Variants in NFATC1 observed in about 807,000 individuals in gnomAD.
NFATC1 encodes the protein nuclear factor of activated T-cells, cytoplasmic 1.
A neutral mutation model predicts 76.0 loss-of-function variants in NFATC1; 22 were observed. The ratio of observed to expected loss-of-function variants is 0.29; its 90% CI spans 0.21 to 0.41. The LOEUF (loss-of-function observed/expected upper bound fraction) is 0.41. Ranked by LOEUF, NFATC1 falls within the 10% of genes least tolerant of loss-of-function variation. NFATC1 has a pLI of 1.00. For synonymous variants in NFATC1, 704 were observed against 613.1 expected (o/e 1.15, Z -2.19); for missense variants, 1,357 against 1,337.7 (o/e 1.01, Z -0.23).
chr18:79,439,353 A>G (rs1600715770), intron 3 of NFATC1, among the ~76,000 whole-genome samples: 3 of 152,328 alleles, frequency 2.0e-5, no homozygotes, highest in African/African-American at 7.2e-5. Flanking sequence ...GCCCCGCCCC[A>G]GGAGCCACGC....
intron 9 of NFATC1, among the ~76,000 whole-genome samples, chr18:79,501,083 ATAT>A (rs1462723664): frequency 1.3e-5 from 2 of 152,144 alleles, no homozygotes; most frequent in Non-Finnish European, 2.9e-5. Flanking sequence ...CCACAACAAA[ATAT>A]TATCAAACTG....
At position 79,410,086 on chromosome 18, in the gene NFATC1, G is replaced by C. The variant is rs1469091918; in HGVS notation, c.128-317G>C. 1.5e-6 allele frequency: 1 copy of C among 686,914 alleles called. No individual in the cohort carries two copies. The highest frequency in any genetic ancestry group is 1.8e-5 in the Admixed American group (1 of 56,342). 42.6% of individuals were successfully genotyped at this position (686,914 alleles called of 1,614,324 possible). On this transcript the variant is annotated intron_variant, in intron 1 of 9. Coordinates refer to ENST00000427363, the MANE Select transcript of NFATC1 (RefSeq NM_001278669.2). The surrounding 1 kb of genome is among the most constrained non-coding windows in gnomAD (Gnocchi z 6.7). ...GGGGTGGTTGGGGAAGGTGGTTTTTGAATGAAGAGCGGAACCCGTGAGGAC... is the reference window on the plus strand; with the variant it reads ...GGGGTGGTTGGGGAAGGTGGTTTTTCAATGAAGAGCGGAACCCGTGAGGAC...
At chr18:79,471,250 G>A (rs973190653) in intron 8 of NFATC1, among the ~76,000 whole-genome samples, 8 of 152,186 alleles carry the variant, frequency 5.3e-5, no homozygotes, top group African/African-American at 9.7e-5. Context: ...TTAAAGGAGA[G>A]AGGCGAACCT....
In NFATC1 at chr18:79,486,410, C is replaced by A. The variant is rs147651267; in HGVS notation, c.2255C>A (p.Pro752Gln). ...SCLVAGFPPC[P>Q]QRSTLMPAAP... ...CTCGTGGCCGGCTTCCCGCCCTGTC[C>A]GCAGAGAAGCACCCTGATGCCAGCG... The change falls in exon 9 of 10, where the codon CCG becomes CAG. Residue 752 changes from proline (P) to glutamine (Q), a missense_variant. Pro to Gln is a moderately conservative substitution (Grantham distance 76, BLOSUM62 -1). Coordinates refer to ENST00000427363, the MANE Select transcript of NFATC1 (RefSeq NM_001278669.2). The A allele has an allele frequency of 7.4e-6, 12 of 1,612,558 alleles. No homozygotes were observed. Among genetic ancestry groups the A allele is most frequent in the Non-Finnish European group, 1.0e-5 (12 of 1,179,954 alleles).
chr18:79,403,544 C>G (rs1194872441), intron 1 of NFATC1, among the ~76,000 whole-genome samples: 3 of 152,330 alleles, frequency 2.0e-5, no homozygotes, highest in Middle Eastern at 3.4e-3. Flanking sequence ...CTCCTGTTTT[C>G]TAAGTTATTT....
At chr18:79,512,886 G>A (rs980201798) in intron 9 of NFATC1, among the ~76,000 whole-genome samples, 4 of 152,222 alleles carry the variant, frequency 2.6e-5, no homozygotes, top group Admixed American at 2.0e-4. Context: ...TAGCCTTCCC[G>A]TGTGAATGTG....
chr18:79,448,821 C>T lies in NFATC1; in HGVS notation c.1426C>T (p.Leu476Phe). ...GGAGAATGAGCCGCTGATGCTGCAGCTTTTCATTGGGACGGCGGACGACCG... is the reference window on the plus strand; with the variant it reads ...GGAGAATGAGCCGCTGATGCTGCAGTTTTTCATTGGGACGGCGGACGACCG... ...YLENEPLMLQ[L>F]FIGTADDRLL... Residue 476 changes from leucine to phenylalanine, a missense_variant, in exon 4 of 10, where the codon CTT becomes TTT. Transcript: ENST00000427363. The T allele has an allele frequency of 3.1e-6, 5 of 1,613,954 alleles. No individual in the cohort carries two copies. The highest frequency in any genetic ancestry group is 4.2e-6 in the Non-Finnish European group (5 of 1,180,024).
In NFATC1 at chr18:79,527,690, T is replaced by G. The variant is rs142377861; in HGVS notation, c.*113T>G. On this transcript the variant is annotated 3_prime_UTR_variant, in exon 10 of 10. Transcript: ENST00000427363. The stretch of plus-strand genomic sequence containing the variant: ...GTACCACTCAGAACCTCCAACTGAC[T>G]GAATGCCAGGAGCTGAACATTAATA... The G allele has an allele frequency of 1.1e-6, 1 of 929,560 alleles. No individual in the cohort carries two copies. The highest frequency in any genetic ancestry group is 1.4e-5 in the South Asian group (1 of 72,176). The allele number at this position is 929,560 out of a possible 1,614,324, so 57.6% of individuals were successfully genotyped here. A position where few individuals can be genotyped will look rare whatever the true frequency, so the allele number is the denominator to read the frequency against.
In NFATC1 at chr18:79,448,664, AG is replaced by A. The variant is rs1290407624; in HGVS notation, c.1387-113del. The A allele has an allele frequency of 1.5e-5, 14 of 913,940 alleles. No individual in the cohort carries two copies. In the African/African-American group the frequency reaches 1.8e-4, roughly 12 times the overall value. 56.6% of individuals were successfully genotyped at this position (913,940 alleles called of 1,614,324 possible). A position where few individuals can be genotyped will look rare whatever the true frequency, so the allele number is the denominator to read the frequency against. ...AGTATGACATGGCAGAGAAATAAAA[AG>A]GGGGCAGGGCAGGGGGACACAGGCC... On this transcript the variant is annotated intron_variant, in intron 3 of 9. Coordinates refer to ENST00000427363, the MANE Select transcript of NFATC1 (RefSeq NM_001278669.2).
rs1293603233 is a variant in NFATC1, at chr18:79,496,216, TTTCTC to T, written c.2782+9283_2782+9287del. On this transcript the variant is annotated intron_variant, in intron 9 of 9. Transcript: ENST00000427363. ...CTAGCTTCCTCCTACCGCCATACGT[TTTCTC>T]TTCCTAATGTGTAGACATTTCAAAG... 26 of 152,794 alleles carry T rather than the reference TTTCTC, an allele frequency of 1.7e-4. No homozygotes were observed. The East Asian group carries it at 5.0e-3, about 29-fold the overall frequency. The allele number at this position is 152,794 out of a possible 1,614,324, so 9.5% of individuals were successfully genotyped here. A position where few individuals can be genotyped will look rare whatever the true frequency, so the allele number is the denominator to read the frequency against.
rs1226566668 is a variant in NFATC1, at chr18:79,411,413, G to T, written c.1138G>T (p.Gly380Cys). The change falls in exon 2 of 10, where the codon GGC becomes TGC. Residue 380 changes from glycine (G) to cysteine (C), a missense_variant. Gly to Cys is a radical substitution (Grantham distance 159, BLOSUM62 -3). This residue lies in a region of NFATC1 where 691 missense variants were observed against 613.1 expected (regional missense o/e 1.13). Coordinates refer to ENST00000427363, the MANE Select transcript of NFATC1 (RefSeq NM_001278669.2). Reference sequence around the variant, plus strand: ...CTCCTCTTTCCAGCACATCAGGAAGGGCGGCTTCTGCGACCAGTACCTGGC... The same window carrying T: ...CTCCTCTTTCCAGCACATCAGGAAGTGCGGCTTCTGCGACCAGTACCTGGC... ...DYSSFQHIRK[G>C]GFCDQYLAVP... The T allele has an allele frequency of 6.4e-7, 1 of 1,555,760 alleles. No individual in the cohort carries two copies. Among genetic ancestry groups the T allele is most frequent in the Non-Finnish European group, 8.7e-7 (1 of 1,154,148 alleles).
At chr18:79,516,502 G>A (rs751801394) in intron 9 of NFATC1, among the ~76,000 whole-genome samples, 1 of 152,224 alleles carries the variant, frequency 6.6e-6, no homozygotes, top group Non-Finnish European at 1.5e-5. Flanking sequence ...CTCCTCGACT[G>A]TGGAGTGGCA....
intron 6 of NFATC1, among the ~76,000 whole-genome samples, chr18:79,459,174 C>T (rs1189558882): frequency 6.6e-6 from 1 of 152,210 alleles, no homozygotes; most frequent in Non-Finnish European, 1.5e-5. Context: ...TTGCAGGGTG[C>T]GGGTGCTCCC....
chr18:79,403,038 G>A (rs911684762), intron 1 of NFATC1, among the ~76,000 whole-genome samples: 1 of 152,262 alleles, frequency 6.6e-6, no homozygotes, highest in African/African-American at 2.4e-5. Context: ...AGCCCAGGAG[G>A]CAGTCTGTCA....
intron 1 of NFATC1, among the ~76,000 whole-genome samples, chr18:79,397,798 G>A (rs562952): frequency 0.11 from 17,033 of 152,084 alleles, 1,000 homozygotes; most frequent in South Asian, 0.14. Context: ...TTTCTTTTAC[G>A]CAAGGAAAAA....
chr18:79,429,735 A>G (rs769727831), intron 2 of NFATC1, among the ~76,000 whole-genome samples: 10 of 152,224 alleles, frequency 6.6e-5, no homozygotes, highest in Non-Finnish European at 1.5e-4. Flanking sequence ...AACCAAAACC[A>G]ATCATCTTAA....
rs192722368 is a variant in NFATC1 at position 79,469,524 on chromosome 18, G to A, written c.2092+1942G>A. The A allele has an allele frequency of 7.5e-4, 736 of 985,808 alleles. 20 individuals carry two copies. The East Asian group carries it at 0.053, about 72-fold the overall frequency. 61.1% of individuals were successfully genotyped at this position (985,808 alleles called of 1,614,324 possible). ...CAGTCCACACCCCACCTGGCAGCCG[G>A]CCGTCCTGTCCTACCAGCCACACTC... On this transcript the variant is annotated intron_variant, in intron 8 of 9. Coordinates refer to ENST00000427363, the MANE Select transcript of NFATC1 (RefSeq NM_001278669.2).
chr18:79,457,086 A>G (rs1399986328), intron 6 of NFATC1, among the ~76,000 whole-genome samples: 1 of 152,232 alleles, frequency 6.6e-6, no homozygotes, highest in African/African-American at 2.4e-5. Context: ...GTGGACAGAC[A>G]TCACTGTCGC....
intron 9 of NFATC1, among the ~76,000 whole-genome samples, chr18:79,521,117 G>A (rs1245168321): frequency 3.7e-5 from 4 of 107,234 alleles, no homozygotes; most frequent in East Asian, 3.2e-4. Flanking sequence ...GTGTGTGGGG[G>A]GCGTCTGCTG....
Sources: gnomAD v4.1 joint callset for allele counts (sites outside exome capture counted in the v4.1 genomes callset) on GRCh38, gnomAD v4.1.1 for gene constraint, gnomAD v4.1.1 regional missense constraint, Gnocchi (gnomAD v3.1) non-coding constraint, MANE v1.5 for transcripts, NCBI Gene and HGNC (gene_info 2026-07-23, HGNC 2026-07-21) for gene names.